PRKCI: variants seen among roughly 807,000 people sequenced by gnomAD.
PRKCI encodes the protein protein kinase C iota.
A neutral mutation model predicts 84.0 loss-of-function variants in PRKCI; 43 were observed. That is an observed-to-expected ratio of 0.51 (90% CI 0.40 to 0.66). The LOEUF (loss-of-function observed/expected upper bound fraction) is 0.66, where lower values mean the gene tolerates loss of function less well. Ranked by LOEUF, PRKCI falls within the 30% of genes least tolerant of loss-of-function variation. The pLI is 0.00. For synonymous variants in PRKCI, 216 were observed against 234.4 expected, an observed-to-expected ratio of 0.92 and a Z score of 0.72; for missense variants, 459 against 745.6, an observed-to-expected ratio of 0.62 and a Z score of 4.48.
chr3:170,288,110 G>A (rs1237704987), intron 12 of PRKCI, among the ~76,000 whole-genome samples: 2 of 151,662 alleles, frequency 1.3e-5, no homozygotes, highest in Non-Finnish European at 2.9e-5. Flanking sequence ...GCCAGGCGTG[G>A]TGGCGGACGC....
intron 2 of PRKCI, among the ~76,000 whole-genome samples, chr3:170,257,931 C>G (rs926309423): frequency 6.6e-6 from 1 of 151,664 alleles, no homozygotes; most frequent in African/African-American, 2.4e-5. Flanking sequence ...CCCAAAGTGC[C>G]GGGATTCCAG....
At chr3:170,302,944 A>T in intron 17 of PRKCI, 96 bp from the exon 18 acceptor site, 1 of 788,626 alleles carries the variant, frequency 1.3e-6, no homozygotes, top group Non-Finnish European at 1.9e-6. Context: ...TTTCAGTACA[A>T]TTAGCCTAAT....
Position 170,249,585 on chromosome 3 carries a change from TTAAG to T in PRKCI, c.224-10383_224-10380del, listed in dbSNP as rs550641265. Among the ~76,000 whole-genome samples, 17 of 152,176 alleles carry T rather than the reference TTAAG, an allele frequency of 1.1e-4. No homozygotes were observed. The South Asian group carries it at 3.5e-3, about 32-fold the overall frequency. ...GAGACGATTGCTTGAGCCTAGGAGTTTAAGACCAGCCTGGTCAACATAGGGAGAC... is the reference window on the plus strand; with the variant it reads ...GAGACGATTGCTTGAGCCTAGGAGTTACCAGCCTGGTCAACATAGGGAGAC... On this transcript the variant is annotated intron_variant, in intron 2 of 17. Coordinates refer to ENST00000295797, the MANE Select transcript of PRKCI (RefSeq NM_002740.6).
chr3:170,263,551 C>T (rs1361692227), intron 4 of PRKCI, 122 bp downstream of exon 4: 1 of 755,666 alleles, frequency 1.3e-6, no homozygotes, highest in East Asian at 2.9e-5. Flanking sequence ...CCTGTAATCC[C>T]AGCACTGTGG....
chr3:170,236,614 G>A (rs112433160), intron 2 of PRKCI, among the ~76,000 whole-genome samples: 14 of 152,232 alleles, frequency 9.2e-5, no homozygotes, highest in African/African-American at 3.4e-4. Context: ...TGTAATCCCA[G>A]CACTTTAGAG....
chr3:170,272,595 A>G (rs1433761708), intron 6 of PRKCI, among the ~76,000 whole-genome samples: 1 of 152,208 alleles, frequency 6.6e-6, no homozygotes, highest in Non-Finnish European at 1.5e-5. Flanking sequence ...ATTATATTGA[A>G]GTTTTAAAAA....
intron 1 of PRKCI, among the ~76,000 whole-genome samples, chr3:170,228,857 A>G (rs1420061473): frequency 6.6e-6 from 1 of 151,940 alleles, no homozygotes; most frequent in African/African-American, 2.4e-5. Context: ...CCCGATAGGT[A>G]TTTTTCAACC....
intron 1 of PRKCI, among the ~76,000 whole-genome samples, chr3:170,223,185 C>T (rs1329876208): frequency 1.3e-5 from 2 of 152,124 alleles, no homozygotes; most frequent in Non-Finnish European, 2.9e-5. Flanking sequence ...AACGGGACTT[C>T]TTCAGTTAGC....
intron 2 of PRKCI, among the ~76,000 whole-genome samples, chr3:170,258,449 G>A (rs1733642323): frequency 6.6e-6 from 1 of 151,910 alleles, no homozygotes; most frequent in South Asian, 2.1e-4. Flanking sequence ...GGGACTGCAG[G>A]CACACACCAC....
At chr3:170,249,684 C>T (rs995482673) in intron 2 of PRKCI, among the ~76,000 whole-genome samples, 2 of 151,704 alleles carry the variant, frequency 1.3e-5, no homozygotes, top group Non-Finnish European at 2.9e-5. Flanking sequence ...ATTCAGCTCC[C>T]ACCTTGGAAG....
At chr3:170,264,748 G>A (rs1386229359) in intron 4 of PRKCI, among the ~76,000 whole-genome samples, 1 of 152,116 alleles carries the variant, frequency 6.6e-6, no homozygotes, top group Non-Finnish European at 1.5e-5. Context: ...TGGGATGGAG[G>A]GAATGATCAA....
chr3:170,281,321 C>A, intron 10 of PRKCI, 58 bp downstream of exon 10: 1 of 1,358,224 alleles, frequency 7.4e-7, no homozygotes, highest in Non-Finnish European at 1.1e-6. Flanking sequence ...TCATATTACA[C>A]AGTTAGAACC....
At chr3:170,277,743 A>G (rs1391880581) in intron 8 of PRKCI, among the ~76,000 whole-genome samples, 3 of 151,544 alleles carry the variant, frequency 2.0e-5, no homozygotes, top group Admixed American at 1.3e-4. Context: ...CTGTTTCTCT[A>G]GAAGATGCAG....
At chr3:170,238,233 G>A (rs1215070062) in intron 2 of PRKCI, among the ~76,000 whole-genome samples, 1 of 152,018 alleles carries the variant, frequency 6.6e-6, no homozygotes, top group East Asian at 1.9e-4. Flanking sequence ...CGTGGTGGCG[G>A]GTGCCTGTAA....
Position 170,241,267 on chromosome 3 carries a change from G to A in PRKCI, c.223+5916G>A, listed in dbSNP as rs905436051. 5.3e-5 allele frequency among the ~76,000 whole-genome samples: 8 copies of A among 152,244 alleles called. No homozygotes were observed. The East Asian group carries it at 1.5e-3, about 29-fold the overall frequency. ...TTATGAATTGTAGTCACCATGCTATGCAATAGATCACCAGAACTTACTACT... is the reference window on the plus strand; with the variant it reads ...TTATGAATTGTAGTCACCATGCTATACAATAGATCACCAGAACTTACTACT... On this transcript the variant is annotated intron_variant, in intron 2 of 17. Transcript: ENST00000295797.
chr3:170,283,576 C>T (rs1734306303), intron 11 of PRKCI, among the ~76,000 whole-genome samples: 1 of 152,148 alleles, frequency 6.6e-6, no homozygotes, highest in Non-Finnish European at 1.5e-5. Context: ...GGTCACCCTT[C>T]ATAGAGCCAC....
intron 3 of PRKCI, among the ~76,000 whole-genome samples, chr3:170,262,466 T>TTTTTG (rs1293160069): frequency 6.6e-6 from 1 of 152,152 alleles, no homozygotes; most frequent in Admixed American, 6.6e-5. Context: ...TGCATTGGTT[T>TTTTTG]TTTTGTTTTG....
chr3:170,266,769 G>T (rs761376428), intron 4 of PRKCI, among the ~76,000 whole-genome samples: 27 of 152,206 alleles, frequency 1.8e-4, no homozygotes, highest in Non-Finnish European at 3.1e-4. Context: ...GAGGCAGACA[G>T]ATCACCTGAG....
In PRKCI at chr3:170,244,473, G is replaced by A. The variant is rs549963547; in HGVS notation, c.223+9122G>A. On this transcript the variant is annotated intron_variant, in intron 2 of 17. Transcript: ENST00000295797. ...TCTGGACCCGGCTTGGAAGCTCTGT[G>A]TCCCCCCGTACCTTGTCCCATTACC... 3.8e-4 allele frequency among the ~76,000 whole-genome samples: 58 copies of A among 152,180 alleles called. No individual in the cohort carries two copies. In the South Asian group the frequency reaches 0.011, roughly 28 times the overall value.
Sources: gnomAD v4.1 joint callset for allele counts (sites outside exome capture counted in the v4.1 genomes callset) on GRCh38, gnomAD v4.1.1 for gene constraint, MANE v1.5 for transcripts, NCBI Gene and HGNC (gene_info 2026-07-23, HGNC 2026-07-21) for gene names.